Variants in MCM5 observed in about 807,000 individuals in gnomAD.
MCM5 encodes DNA replication licensing factor MCM5.
Under a neutral mutation model 79.9 loss-of-function variants are expected in MCM5, and 46 were observed. The ratio of observed to expected loss-of-function variants is 0.58; its 90% CI spans 0.45 to 0.74. The LOEUF is 0.74. Among genes scored for constraint, MCM5 ranks in the 30% least tolerant of loss-of-function variants. The pLI is 0.00. For synonymous variants in MCM5, 404 were observed against 390.5 expected (o/e 1.03, Z -0.41); for missense variants, 883 against 1,017.0 (o/e 0.87, Z 1.79).
At chr22:35,412,435 G>A (rs950750061) in intron 7 of MCM5, 75 bp from the exon 8 acceptor site, 10 of 1,306,942 alleles carry the variant, frequency 7.7e-6, no homozygotes, top group Non-Finnish European at 3.0e-6. Context: ...GGAGGTCCCT[G>A]AGCTGGTGCC....
chr22:35,421,562 TGCTTCTCTGAGTTTGCTGA>T (rs1357098568), intron 15 of MCM5, 102 bp downstream of exon 15: 2 of 1,512,446 alleles, frequency 1.3e-6, no homozygotes, highest in African/African-American at 2.7e-5. Flanking sequence ...GTGTGTGTCT[TGCTTCTCTGAGTTTGCTGA>T]GCTTCTCTGA....
rs4645811 is a variant in MCM5 at position 35,420,958 on chromosome 22, A to G, written c.1833-360A>G. Among the ~76,000 whole-genome samples, 1,097 of 151,994 alleles carry G rather than the reference A, an allele frequency of 7.2e-3. 15 individuals carry two copies. Among genetic ancestry groups the G allele is most frequent in the African/African-American group, 0.024 (1,012 of 41,442 alleles). On this transcript the variant is annotated intron_variant, in intron 14 of 16. Coordinates refer to ENST00000216122, the MANE Select transcript of MCM5 (RefSeq NM_006739.4). Reference sequence around the variant, plus strand: ...GCCTGGGCAACATAGCAAGACTCCCATTTCTACAAAAAATAAAAAATTAGC... The same window carrying G: ...GCCTGGGCAACATAGCAAGACTCCCGTTTCTACAAAAAATAAAAAATTAGC...
intron 5 of MCM5, among the ~76,000 whole-genome samples, chr22:35,407,155 G>A (rs527905875): frequency 1.6e-3 from 239 of 152,288 alleles, no homozygotes; most frequent in Non-Finnish European, 2.8e-3. Flanking sequence ...CCTCTTGGCT[G>A]GCAGAACCTG....
At chr22:35,430,761 C>T in the MCM5 span, among the ~76,000 whole-genome samples, 7 of 150,770 alleles carry the variant, frequency 4.6e-5, no homozygotes, top group East Asian at 1.9e-4. Flanking sequence ...CCACCTGCCT[C>T]GGCCTCCCAA....
intron 16 of MCM5, chr22:35,423,826 C>A: frequency 3.6e-6 from 1 of 276,148 alleles, no homozygotes; most frequent in South Asian, 1.2e-4. Context: ...TGTACATCAT[C>A]TCATTTTGAT....
chr22:35,400,669 C>G, intron 2 of MCM5, 64 bp downstream of exon 2: 2 of 1,483,280 alleles, frequency 1.3e-6, no homozygotes, highest in Non-Finnish European at 1.8e-6. Context: ...CTCTACCAGC[C>G]TGCTAGAGTC....
the MCM5 span, among the ~76,000 whole-genome samples, chr22:35,433,482 C>T: frequency 2.2e-4 from 34 of 152,330 alleles, no homozygotes; most frequent in East Asian, 9.6e-4. Context: ...TCAGACCCCT[C>T]GGCTCTTAGT....
At chr22:35,438,561 A>G in the MCM5 span, among the ~76,000 whole-genome samples, 1 of 104,728 alleles carries the variant, frequency 9.5e-6, no homozygotes, top group African/African-American at 5.9e-5. Flanking sequence ...TCACATATTC[A>G]TCCATCCATC....
chr22:35,406,234 G>A (rs899225938), intron 4 of MCM5, among the ~76,000 whole-genome samples: 1 of 150,610 alleles, frequency 6.6e-6, no homozygotes, highest in Non-Finnish European at 1.5e-5. Flanking sequence ...CTGGGGTCAG[G>A]TCTCTCTCCT....
At chr22:35,452,056 C>T in the MCM5 span, among the ~76,000 whole-genome samples, 1 of 152,156 alleles carries the variant, frequency 6.6e-6, no homozygotes, top group African/African-American at 2.4e-5. Flanking sequence ...TTTTTTCTTC[C>T]CTCTCCTGCT....
the MCM5 span, among the ~76,000 whole-genome samples, chr22:35,438,328 T>TATCC: frequency 1.3e-3 from 172 of 134,964 alleles, 1 homozygote; most frequent in African/African-American, 4.0e-3. Context: ...TCCGTCCATC[T>TATCC]ATCCATCCAT....
intron 4 of MCM5, among the ~76,000 whole-genome samples, chr22:35,405,284 C>T (rs1229305497): frequency 6.6e-6 from 1 of 151,388 alleles, no homozygotes; most frequent in Non-Finnish European, 1.5e-5. Flanking sequence ...CTTGTTTCAT[C>T]TGTGGCCCTG....
chr22:35,401,382 C>T (rs1932046197), intron 2 of MCM5: 1 of 471,378 alleles, frequency 2.1e-6, no homozygotes, highest in Admixed American at 2.3e-5. Context: ...CTTGCACCTT[C>T]ATTGATTGAG....
chr22:35,408,921 G>A (rs1932296165), intron 6 of MCM5, among the ~76,000 whole-genome samples: 1 of 152,034 alleles, frequency 6.6e-6, no homozygotes, highest in Non-Finnish European at 1.5e-5. Context: ...ACCAATAGCT[G>A]GCAAAGCCTC....
intron 12 of MCM5, among the ~76,000 whole-genome samples, chr22:35,417,142 G>C (rs1932567482): frequency 6.6e-6 from 1 of 152,184 alleles, no homozygotes; most frequent in Non-Finnish European, 1.5e-5. Flanking sequence ...GTTCTGGTTA[G>C]TAAATTTTTC....
the MCM5 span, among the ~76,000 whole-genome samples, chr22:35,444,637 G>C: frequency 0.79 from 119,653 of 151,490 alleles, 47,831 homozygotes; most frequent in African/African-American, 0.88. Flanking sequence ...GCTGGCCTGG[G>C]TCTGGGAGTA....
intron 7 of MCM5, chr22:35,411,154 C>T (rs1932372552): frequency 5.8e-6 from 2 of 345,718 alleles, no homozygotes; most frequent in Admixed American, 4.4e-5. Flanking sequence ...GAGGTCAAAT[C>T]ACTGGGGAAT....
chr22:35,445,325 CTT>C, the MCM5 span, among the ~76,000 whole-genome samples: 1 of 83,638 alleles, frequency 1.2e-5, no homozygotes, highest in Non-Finnish European at 2.1e-5. Context: ...TTTGACTATG[CTT>C]TTTTTTTTTT....
chr22:35,402,899 A>G (rs1013577340), intron 2 of MCM5, among the ~76,000 whole-genome samples: 1 of 152,174 alleles, frequency 6.6e-6, no homozygotes, highest in Non-Finnish European at 1.5e-5. Flanking sequence ...GGCTCTGCGG[A>G]GTCCTTCAGT....
Sources: allele counts gnomAD v4.1 joint callset (sites outside exome capture counted in the v4.1 genomes callset), GRCh38; gene constraint gnomAD v4.1.1; transcripts MANE v1.5; gene names NCBI Gene and HGNC (gene_info 2026-07-23, HGNC 2026-07-21).